Variants in CENPW observed in about 807,000 individuals in gnomAD.
CENPW encodes the protein cancer-up-regulated gene 2 protein.
In CENPW, 3 loss-of-function variants were observed where a neutral mutation model predicts 11.1. That is an observed-to-expected ratio of 0.27 (90% CI 0.12 to 0.70). CENPW has a LOEUF of 0.70. CENPW is among the 30% of genes least tolerant of loss of function. The probability of loss-of-function intolerance (pLI) is 0.77; values close to 1 mark genes in which losing one functional copy is unlikely to be tolerated. For missense variants in CENPW, 100 were observed against 105.6 expected, an observed-to-expected ratio of 0.95 and a Z score of 0.23; for synonymous variants, 38 against 42.0, an observed-to-expected ratio of 0.91 and a Z score of 0.37.
chr6:126,478,316 C>T, the CENPW span, among the ~76,000 whole-genome samples: 5 of 151,812 alleles, frequency 3.3e-5, no homozygotes, highest in South Asian at 2.1e-4. Context: ...AAGACAAGCA[C>T]TTCATTTTTC....
At chr6:126,396,709 A>G in the CENPW span, among the ~76,000 whole-genome samples, 2 of 152,206 alleles carry the variant, frequency 1.3e-5, no homozygotes, top group South Asian at 2.1e-4. Flanking sequence ...GACCAAAGAC[A>G]TAGTTCCTGG....
At chr6:126,340,705 A>C (rs2128289235) in intron 1 of CENPW, among the ~76,000 whole-genome samples, 1 of 152,328 alleles carries the variant, frequency 6.6e-6, no homozygotes, top group Non-Finnish European at 1.5e-5. Flanking sequence ...TTAGGAACAC[A>C]ATCTGGCACC....
intron 2 of CENPW, 55 bp downstream of exon 2, chr6:126,346,373 G>A (rs1282468687): frequency 1.1e-5 from 11 of 1,037,176 alleles, no homozygotes; most frequent in Middle Eastern, 2.3e-4. Context: ...AATAACACTC[G>A]GTTCATCACC....
chr6:126,402,840 A>G, the CENPW span, among the ~76,000 whole-genome samples: 1 of 152,040 alleles, frequency 6.6e-6, no homozygotes, highest in Non-Finnish European at 1.5e-5. Context: ...GCAGGCTCAC[A>G]TTATTTTATT....
At chr6:126,417,556 G>C in the CENPW span, among the ~76,000 whole-genome samples, 1 of 152,136 alleles carries the variant, frequency 6.6e-6, no homozygotes, top group East Asian at 1.9e-4. Context: ...CAAATAATGG[G>C]TGTGGGTCTT....
At chr6:126,404,704 T>C in the CENPW span, among the ~76,000 whole-genome samples, 1 of 152,092 alleles carries the variant, frequency 6.6e-6, no homozygotes, top group African/African-American at 2.4e-5. Context: ...ATAGCCGTTA[T>C]AACTGCAGTG....
At chr6:126,438,613 GCA>G in the CENPW span, among the ~76,000 whole-genome samples, 1 of 151,572 alleles carries the variant, frequency 6.6e-6, no homozygotes, top group Non-Finnish European at 1.5e-5. Context: ...CTGTAAAATA[GCA>G]CAGTTACTCT....
At chr6:126,416,139 G>T in the CENPW span, among the ~76,000 whole-genome samples, 18 of 152,284 alleles carry the variant, frequency 1.2e-4, no homozygotes, top group Non-Finnish European at 2.4e-4. Flanking sequence ...TGAGAAACTT[G>T]TTGGGAACTG....
the CENPW span, among the ~76,000 whole-genome samples, chr6:126,437,302 T>A: frequency 6.6e-6 from 1 of 151,958 alleles, no homozygotes; most frequent in African/African-American, 2.4e-5. Context: ...TCAAAATTAA[T>A]CTTTCCATAC....
the CENPW span, among the ~76,000 whole-genome samples, chr6:126,474,584 C>G: frequency 2.6e-5 from 4 of 152,122 alleles, no homozygotes; most frequent in Non-Finnish European, 5.9e-5. Context: ...TGACAATTAT[C>G]TCTCCTAGGT....
At chr6:126,365,393 C>T in the CENPW span, among the ~76,000 whole-genome samples, 1 of 152,098 alleles carries the variant, frequency 6.6e-6, no homozygotes, top group African/African-American at 2.4e-5. Flanking sequence ...CTGGGGAAGC[C>T]TCAGGAAACT....
At chr6:126,452,740 A>C in the CENPW span, among the ~76,000 whole-genome samples, 4 of 151,156 alleles carry the variant, frequency 2.6e-5, no homozygotes. Context: ...CTAAAAAATT[A>C]TCAAGTTTGG....
the CENPW span, among the ~76,000 whole-genome samples, chr6:126,452,018 C>T: frequency 6.6e-6 from 1 of 151,042 alleles, no homozygotes; most frequent in African/African-American, 2.4e-5. Context: ...CTGGTTGGTG[C>T]ACATGTGGAA....
At chr6:126,462,977 T>C in the CENPW span, among the ~76,000 whole-genome samples, 2 of 152,064 alleles carry the variant, frequency 1.3e-5, no homozygotes, top group Non-Finnish European at 2.9e-5. Flanking sequence ...TGGAGTAGGA[T>C]ATTACATTTA....
the CENPW span, among the ~76,000 whole-genome samples, chr6:126,377,595 C>T: frequency 6.6e-6 from 1 of 152,262 alleles, no homozygotes; most frequent in African/African-American, 2.4e-5. Context: ...CAGTGTGAGT[C>T]TGTTGTACCA....
chr6:126,400,978 T>C, the CENPW span, among the ~76,000 whole-genome samples: 5 of 152,236 alleles, frequency 3.3e-5, no homozygotes, highest in Admixed American at 2.6e-4. Flanking sequence ...TAGCATATTA[T>C]TTTTAGTTAT....
chr6:126,341,997 C>T (rs1331526512), intron 1 of CENPW, among the ~76,000 whole-genome samples: 4 of 152,188 alleles, frequency 2.6e-5, no homozygotes, highest in Admixed American at 2.6e-4. Flanking sequence ...AGTAGCTTTT[C>T]CCAGGTAGTA....
At chr6:126,374,838 C>G in the CENPW span, among the ~76,000 whole-genome samples, 3 of 152,096 alleles carry the variant, frequency 2.0e-5, no homozygotes, top group African/African-American at 7.2e-5. Flanking sequence ...AGAGGAAATC[C>G]AAAGAAGCAT....
the CENPW span, among the ~76,000 whole-genome samples, chr6:126,375,965 C>G: frequency 6.6e-6 from 1 of 152,170 alleles, no homozygotes; most frequent in African/African-American, 2.4e-5. Context: ...AGAGGCCCAT[C>G]AACCTAGTTC....
Sources: gnomAD v4.1 joint callset for allele counts (sites outside exome capture counted in the v4.1 genomes callset) on GRCh38, gnomAD v4.1.1 for gene constraint, MANE v1.5 for transcripts, NCBI Gene and HGNC (gene_info 2026-07-23, HGNC 2026-07-21) for gene names.